LRRC4C: variants seen among roughly 807,000 people sequenced by gnomAD.
LRRC4C encodes the protein leucine-rich repeat-containing protein 4C.
In LRRC4C, 5 loss-of-function variants were observed where a neutral mutation model predicts 33.6. The observed-to-expected ratio is 0.15, with a 90% confidence interval of 0.08 to 0.31. LRRC4C has a LOEUF of 0.31. Ranked by LOEUF, LRRC4C falls within the 10% of genes least tolerant of loss-of-function variation. The pLI, the probability that LRRC4C is intolerant of heterozygous loss-of-function variation, is 1.00. For missense variants in LRRC4C, 560 were observed against 796.7 expected (o/e 0.70, Z 3.58); for synonymous variants, 329 against 302.0 (o/e 1.09, Z -0.93).
intron 1 of LRRC4C, among the ~76,000 whole-genome samples, chr11:41,404,545 C>G (rs1230188835): frequency 9.4e-6 from 1 of 106,948 alleles, no homozygotes; most frequent in Non-Finnish European, 1.9e-5. Flanking sequence ...GACACACACA[C>G]ACACACACAC....
At chr11:40,947,812 C>T (rs1278381233) in intron 1 of LRRC4C, among the ~76,000 whole-genome samples, 1 of 152,082 alleles carries the variant, frequency 6.6e-6, no homozygotes, top group Non-Finnish European at 1.5e-5. Flanking sequence ...AGCTCTTTGA[C>T]TGTGTCCCCT....
Position 41,315,501 on chromosome 11 carries a change from G to T in LRRC4C, c.-496+143930C>A, listed in dbSNP as rs149807631. Among the ~76,000 whole-genome samples the T allele has an allele frequency of 3.3e-4, 50 of 152,284 alleles. No individual in the cohort carries two copies. The East Asian group carries it at 9.3e-3, about 28-fold the overall frequency. ...CAAGAGACTCTCATGGAGAACTGAAGTATCTTGCCAACCATCAACACCAAC... is the reference window on the plus strand; with the variant it reads ...CAAGAGACTCTCATGGAGAACTGAATTATCTTGCCAACCATCAACACCAAC... On this transcript the variant is annotated intron_variant, in intron 1 of 6. Coordinates refer to ENST00000528697, the MANE Select transcript of LRRC4C (RefSeq NM_001258419.2).
intron 5 of LRRC4C, among the ~76,000 whole-genome samples, chr11:40,194,203 G>T (rs1252710013): frequency 6.6e-6 from 1 of 152,178 alleles, no homozygotes; most frequent in Non-Finnish European, 1.5e-5. Flanking sequence ...AGGGAAGCCA[G>T]AGGGAAGATC....
chr11:40,765,433 C>T (rs997632329), intron 2 of LRRC4C, among the ~76,000 whole-genome samples: 2 of 152,072 alleles, frequency 1.3e-5, no homozygotes, highest in African/African-American at 2.4e-5. Context: ...CCAATTAAAC[C>T]CCTTTTCTTT....
rs1478760811 is a variant in LRRC4C, at chr11:40,272,170, AT to A, written c.-175-30573del. On this transcript the variant is annotated intron_variant, in intron 4 of 6. Coordinates refer to ENST00000528697, the MANE Select transcript of LRRC4C (RefSeq NM_001258419.2). ...AAAACGGAAACTGTGATAGGAAAAT[AT>A]TTTGAAATTTCCATAAGAAAATAGC... is the stretch of plus-strand genomic sequence containing the variant. Among the ~76,000 whole-genome samples, 29 of 152,256 alleles carry A rather than the reference AT, an allele frequency of 1.9e-4. 2 individuals are homozygous for A. The East Asian group carries it at 5.6e-3, about 29-fold the overall frequency.
intron 1 of LRRC4C, among the ~76,000 whole-genome samples, chr11:41,204,169 G>C (rs922895754): frequency 1.3e-5 from 2 of 152,084 alleles, no homozygotes; most frequent in African/African-American, 2.4e-5. Context: ...GTATTATCCT[G>C]GCCTTCTAAA....
chr11:40,245,123 G>A lies in LRRC4C; in HGVS notation c.-175-3525C>T, dbSNP rs183851480. 4.4e-4 allele frequency among the ~76,000 whole-genome samples: 67 copies of A among 152,120 alleles called. 1 individual carries two copies. In the East Asian group the frequency reaches 0.011, roughly 25 times the overall value. ...CCCAGCAAGCATTTCAAAATTGACC[G>A]GATCTTCATCAGTCTTGGCCATTTC... On this transcript the variant is annotated intron_variant, in intron 4 of 6. Transcript: ENST00000528697.
At chr11:41,197,374 G>A (rs1330655556) in intron 1 of LRRC4C, among the ~76,000 whole-genome samples, 1 of 151,880 alleles carries the variant, frequency 6.6e-6, no homozygotes, top group Non-Finnish European at 1.5e-5. Context: ...CATTTTATTG[G>A]GCTCTGCAAC....
chr11:40,275,693 G>T (rs1048591349), intron 4 of LRRC4C, among the ~76,000 whole-genome samples: 1 of 152,112 alleles, frequency 6.6e-6, no homozygotes, highest in South Asian at 2.1e-4. Flanking sequence ...AGGTTGGCTG[G>T]CCCCAAGTGG....
At chr11:40,971,052 G>A (rs531412957) in intron 1 of LRRC4C, among the ~76,000 whole-genome samples, 30 of 152,308 alleles carry the variant, frequency 2.0e-4, no homozygotes, top group Admixed American at 7.2e-4. Context: ...GAGTGTCAAA[G>A]TTTGGAAAAT....
At chr11:40,782,008 G>A (rs1372245392) in intron 2 of LRRC4C, among the ~76,000 whole-genome samples, 1 of 152,098 alleles carries the variant, frequency 6.6e-6, no homozygotes, top group Non-Finnish European at 1.5e-5. Flanking sequence ...CCCCTTTAAT[G>A]CATTATTGAT....
At chr11:40,504,608 C>T (rs1590941510) in intron 3 of LRRC4C, among the ~76,000 whole-genome samples, 1 of 152,062 alleles carries the variant, frequency 6.6e-6, no homozygotes, top group East Asian at 1.9e-4. Flanking sequence ...AAATGATTAG[C>T]TTGGAGGAAG....
intron 1 of LRRC4C, among the ~76,000 whole-genome samples, chr11:41,349,000 T>C (rs919119809): frequency 6.6e-6 from 1 of 152,184 alleles, no homozygotes; most frequent in African/African-American, 2.4e-5. Flanking sequence ...TGTCATATTC[T>C]TCTAGTTGGC....
chr11:40,200,912 G>A (rs1862694930), intron 5 of LRRC4C, among the ~76,000 whole-genome samples: 1 of 152,018 alleles, frequency 6.6e-6, no homozygotes, highest in Admixed American at 6.6e-5. Flanking sequence ...GAACTCCTAA[G>A]CGTCACATCT....
At chr11:40,577,201 T>C (rs1958228731) in intron 3 of LRRC4C, among the ~76,000 whole-genome samples, 2 of 152,170 alleles carry the variant, frequency 1.3e-5, no homozygotes, top group Non-Finnish European at 2.9e-5. Flanking sequence ...AACCCAAAAT[T>C]AATACTTCTA....
At chr11:40,981,182 G>A (rs997657453) in intron 1 of LRRC4C, among the ~76,000 whole-genome samples, 4 of 152,116 alleles carry the variant, frequency 2.6e-5, no homozygotes, top group African/African-American at 9.7e-5. Context: ...TTGAGAGGCC[G>A]AGACGGGTGG....
At chr11:41,316,262 CAA>C (rs60671406) in intron 1 of LRRC4C, among the ~76,000 whole-genome samples, 24 of 78,008 alleles carry the variant, frequency 3.1e-4, no homozygotes, top group African/African-American at 6.8e-4. Flanking sequence ...CTCTGGATGG[CAA>C]AAAAAAAAAA....
At chr11:41,369,827 T>A (rs1256461697) in intron 1 of LRRC4C, among the ~76,000 whole-genome samples, 1 of 152,144 alleles carries the variant, frequency 6.6e-6, no homozygotes, top group Admixed American at 6.5e-5. Context: ...GCTCTTTAGA[T>A]GGTCCACTCT....
At chr11:40,341,455 G>T (rs942089191) in intron 3 of LRRC4C, among the ~76,000 whole-genome samples, 5 of 150,868 alleles carry the variant, frequency 3.3e-5, no homozygotes, top group South Asian at 2.1e-4. Context: ...GGGATTGCTG[G>T]GTCAAACACT....
Sources: gnomAD v4.1 joint callset for allele counts (sites outside exome capture counted in the v4.1 genomes callset) on GRCh38, gnomAD v4.1.1 for gene constraint, MANE v1.5 for transcripts, NCBI Gene and HGNC (gene_info 2026-07-23, HGNC 2026-07-21) for gene names.